Variants in GRM7 observed in about 807,000 individuals in gnomAD.
The protein encoded by GRM7 is glutamate metabotropic receptor 7.
GRM7 carries 35 observed loss-of-function variants against 84.5 expected under a neutral mutation model. The observed-to-expected ratio is 0.41, with a 90% CI of 0.32 to 0.55. GRM7 has a LOEUF of 0.55. Among genes scored for constraint, GRM7 ranks in the 20% least tolerant of loss-of-function variants. GRM7 has a pLI of 0.19. For synonymous variants in GRM7, 487 were observed against 455.1 expected (o/e 1.07, Z -0.89); for missense variants, 1,003 against 1,194.6 (o/e 0.84, Z 2.36).
intron 2 of GRM7, among the ~76,000 whole-genome samples, chr3:7,231,329 A>G (rs1697190842): frequency 1.3e-5 from 2 of 152,204 alleles, no homozygotes; most frequent in Non-Finnish European, 2.9e-5. Context: ...TTTGATAGTG[A>G]GGTGTTGGCA....
Position 7,077,237 on chromosome 3 carries a change from G to C in GRM7, c.520-69215G>C, listed in dbSNP as rs1357701299. Among the ~76,000 whole-genome samples, 3 of 152,250 alleles carry C rather than the reference G, an allele frequency of 2.0e-5. No homozygotes were observed. The East Asian group carries it at 5.8e-4, about 29-fold the overall frequency. On this transcript the variant is annotated intron_variant, in intron 1 of 9. Coordinates refer to ENST00000357716, the MANE Select transcript of GRM7 (RefSeq NM_000844.4). ...CCCATTACTGGGTGTATACCCAAAGGATTATAAATCATTCTACTGTAAGGA... is the reference window on the plus strand; with the variant it reads ...CCCATTACTGGGTGTATACCCAAAGCATTATAAATCATTCTACTGTAAGGA...
chr3:7,441,130 C>CT (rs1027132079), intron 5 of GRM7, among the ~76,000 whole-genome samples: 16 of 151,926 alleles, frequency 1.1e-4, no homozygotes, highest in African/African-American at 3.4e-4. Flanking sequence ...ATAAGCATTC[C>CT]TTTTTTTTCT....
chr3:7,722,563 C>A (rs1028872048), intron 9 of GRM7, among the ~76,000 whole-genome samples: 1 of 151,374 alleles, frequency 6.6e-6, no homozygotes, highest in African/African-American at 2.4e-5. Flanking sequence ...CTGCCTTAGA[C>A]TCCCGAGTAG....
intron 1 of GRM7, among the ~76,000 whole-genome samples, chr3:7,116,584 A>AT: frequency 6.6e-6 from 1 of 152,258 alleles, no homozygotes; most frequent in Non-Finnish European, 1.5e-5. Flanking sequence ...AACCCATATG[A>AT]TTACTTTACT....
intron 2 of GRM7, among the ~76,000 whole-genome samples, chr3:7,231,977 T>C (rs1230118432): frequency 6.6e-6 from 1 of 152,184 alleles, no homozygotes; most frequent in Non-Finnish European, 1.5e-5. Flanking sequence ...CAGATAACTA[T>C]AGCAGTGTGC....
At chr3:7,333,459 G>T (rs368130200) in intron 4 of GRM7, among the ~76,000 whole-genome samples, 1 of 152,176 alleles carries the variant, frequency 6.6e-6, no homozygotes, top group African/African-American at 2.4e-5. Flanking sequence ...TCGAGGGATC[G>T]CCCCATGGGG....
chr3:7,631,990 A>T (rs947726574), intron 8 of GRM7, among the ~76,000 whole-genome samples: 3 of 152,192 alleles, frequency 2.0e-5, no homozygotes, highest in African/African-American at 7.2e-5. Flanking sequence ...TAAGAGGATG[A>T]TATTTAAAAG....
At chr3:7,606,286 C>G (rs1233453104) in intron 8 of GRM7, among the ~76,000 whole-genome samples, 1 of 151,848 alleles carries the variant, frequency 6.6e-6, no homozygotes, top group African/African-American at 2.4e-5. Flanking sequence ...AAGAACAAAT[C>G]CTTGTGATTT....
At chr3:6,892,839 T>C (rs1696018408) in intron 1 of GRM7, 1 of 152,180 alleles carries the variant, frequency 6.6e-6, no homozygotes, top group Admixed American at 6.5e-5. Context: ...TTCCTCTCTT[T>C]GGAGATCAGC....
chr3:6,898,247 T>C (rs998131940), intron 1 of GRM7, among the ~76,000 whole-genome samples: 3 of 152,110 alleles, frequency 2.0e-5, no homozygotes, highest in African/African-American at 4.8e-5. Flanking sequence ...TAGTGCTTAT[T>C]TGGCAGACCC....
intron 8 of GRM7, among the ~76,000 whole-genome samples, chr3:7,617,375 G>T (rs1697141151): frequency 6.6e-6 from 1 of 152,040 alleles, no homozygotes; most frequent in Non-Finnish European, 1.5e-5. Flanking sequence ...TATCCATTAT[G>T]GAAGAGAGAA....
intron 1 of GRM7, among the ~76,000 whole-genome samples, chr3:6,935,199 T>C (rs1050224866): frequency 2.6e-5 from 4 of 152,214 alleles, no homozygotes; most frequent in Non-Finnish European, 5.9e-5. Context: ...AATTAAATGA[T>C]TCCTTCTACT....
intron 4 of GRM7, among the ~76,000 whole-genome samples, chr3:7,407,275 T>C (rs1278018687): frequency 6.6e-6 from 1 of 152,182 alleles, no homozygotes; most frequent in African/African-American, 2.4e-5. Context: ...TCCAGGTAGA[T>C]GCCTCTTCAA....
At chr3:7,451,408 G>C (rs1559331889) in intron 5 of GRM7, among the ~76,000 whole-genome samples, 3 of 152,180 alleles carry the variant, frequency 2.0e-5, no homozygotes, top group Admixed American at 2.0e-4. Context: ...GAGCGCCTCG[G>C]TGTGACAAAC....
chr3:7,282,099 A>G (rs564466620), intron 2 of GRM7, among the ~76,000 whole-genome samples: 1 of 152,242 alleles, frequency 6.6e-6, no homozygotes, highest in South Asian at 2.1e-4. Context: ...ACAAACAAAA[A>G]ACAGGTACCT....
At chr3:7,243,801 T>C (rs1258016891) in intron 2 of GRM7, among the ~76,000 whole-genome samples, 1 of 152,184 alleles carries the variant, frequency 6.6e-6, no homozygotes, top group East Asian at 1.9e-4. Context: ...CTATAGGCTA[T>C]ATGGTATAGC....
chr3:7,693,471 A>G (rs572905856), intron 9 of GRM7, among the ~76,000 whole-genome samples: 2 of 152,072 alleles, frequency 1.3e-5, no homozygotes, highest in Admixed American at 1.3e-4. Context: ...AAATTTGATT[A>G]AGCTGGCCTC....
chr3:6,957,028 T>C (rs1279261014), intron 1 of GRM7, among the ~76,000 whole-genome samples: 1 of 152,234 alleles, frequency 6.6e-6, no homozygotes, highest in Admixed American at 6.5e-5. Context: ...TCTATTTATA[T>C]GTATAGATAT....
intron 1 of GRM7, among the ~76,000 whole-genome samples, chr3:6,975,838 C>T (rs1014221930): frequency 6.6e-6 from 1 of 152,040 alleles, no homozygotes; most frequent in Non-Finnish European, 1.5e-5. Context: ...TTAAGTGCCT[C>T]TTATTATTTA....
Sources: gnomAD v4.1 joint callset for allele counts (sites outside exome capture counted in the v4.1 genomes callset) on GRCh38, gnomAD v4.1.1 for gene constraint, MANE v1.5 for transcripts, NCBI Gene and HGNC (gene_info 2026-07-23, HGNC 2026-07-21) for gene names.